The following DMD variants were observed in gnomAD, a reference collection of about 807,000 sequenced individuals.
The protein encoded by DMD is mutant dystrophin.
In DMD, 63 loss-of-function variants were observed where a neutral mutation model predicts 330.1. The observed-to-expected ratio is 0.19, with a 90% CI of 0.16 to 0.24. DMD has a LOEUF of 0.24. Among genes scored for constraint, DMD ranks in the 10% least tolerant of loss-of-function variants. The pLI is 1.00. For missense variants in DMD, 3,344 were observed against 2,684.1 expected (o/e 1.25, Z -5.43); for synonymous variants, 1,223 against 959.8 (o/e 1.27, Z -5.07).
intron 16 of DMD, among the ~76,000 whole-genome samples, chrX:32,549,851 A>G (rs1211455124): frequency 3.6e-5 from 4 of 112,071 alleles, no homozygotes; most frequent in Non-Finnish European, 7.5e-5. Flanking sequence ...AAAAATGCAC[A>G]TTTAAAAAAA....
chrX:32,868,751 C>A (rs2082716939), intron 2 of DMD, among the ~76,000 whole-genome samples: 1 of 112,327 alleles, frequency 8.9e-6, no homozygotes, highest in African/African-American at 3.3e-5. Context: ...ACTCCGATTC[C>A]CCTGGACCTG....
chrX:32,771,041 G>T (rs966956043), intron 7 of DMD, among the ~76,000 whole-genome samples: 2 of 111,536 alleles, frequency 1.8e-5, no homozygotes, highest in Non-Finnish European at 3.8e-5. Flanking sequence ...AAGTACAAAG[G>T]TCCTGAGGCA....
chrX:32,952,424 G>T (rs758734318), intron 2 of DMD, among the ~76,000 whole-genome samples: 19 of 111,447 alleles, frequency 1.7e-4, no homozygotes, highest in African/African-American at 2.3e-4. Context: ...GAGCCACTGT[G>T]CCCAGCCTTG....
chrX:32,881,656 T>C (rs1033602453), intron 2 of DMD, among the ~76,000 whole-genome samples: 7 of 112,508 alleles, frequency 6.2e-5, no homozygotes, highest in Non-Finnish European at 9.4e-5. Flanking sequence ...TTAATGGAAA[T>C]ATAAGATGTT....
chrX:32,188,191 T>C (rs12690404), intron 44 of DMD, among the ~76,000 whole-genome samples: 30,151 of 108,872 alleles, frequency 0.28, 3,425 homozygotes, highest in East Asian at 0.48. Context: ...TCTTACATAT[T>C]GTTATTATTA....
At chrX:33,063,210 A>G (rs2094603530) in intron 1 of DMD, among the ~76,000 whole-genome samples, 1 of 112,116 alleles carries the variant, frequency 8.9e-6, no homozygotes, top group African/African-American at 3.2e-5. Context: ...GAATCAAATT[A>G]TAATAAAACT....
chrX:32,661,694 C>A (rs960053588), intron 9 of DMD, among the ~76,000 whole-genome samples: 1 of 111,320 alleles, frequency 9.0e-6, no homozygotes, highest in East Asian at 2.8e-4. Flanking sequence ...CTTTTTCACC[C>A]TTAGAAATTT....
chrX:31,196,770 G>A (rs1399022819), intron 67 of DMD, among the ~76,000 whole-genome samples: 2 of 97,893 alleles, frequency 2.0e-5, no homozygotes, highest in African/African-American at 3.8e-5. Flanking sequence ...GCAGTGTGCC[G>A]AGATGGCACC....
At chrX:32,751,622 C>T (rs73458852) in intron 7 of DMD, among the ~76,000 whole-genome samples, 6 of 112,473 alleles carry the variant, frequency 5.3e-5, no homozygotes, top group Admixed American at 1.9e-4. Flanking sequence ...AAGAAATTCA[C>T]GCCCACTGCA....
At chrX:31,999,922 G>T (rs754312676) in intron 44 of DMD, among the ~76,000 whole-genome samples, 1 of 112,218 alleles carries the variant, frequency 8.9e-6, no homozygotes, top group African/African-American at 3.2e-5. Flanking sequence ...CTCTCCCCAG[G>T]ATGTGTTCCT....
chrX:31,693,906 T>A (rs182894342), intron 52 of DMD, among the ~76,000 whole-genome samples: 64 of 111,753 alleles, frequency 5.7e-4, no homozygotes, highest in East Asian at 4.2e-3. Flanking sequence ...GAATTTTTTT[T>A]AAAAAATCCT....
intron 45 of DMD, among the ~76,000 whole-genome samples, chrX:31,946,163 G>C (rs1345143899): frequency 4.5e-5 from 5 of 112,106 alleles, no homozygotes; most frequent in Non-Finnish European, 9.4e-5. Flanking sequence ...AGATTGAAAA[G>C]GCTGTGGTGG....
intron 7 of DMD, among the ~76,000 whole-genome samples, chrX:32,748,048 A>C (rs1386594262): frequency 2.7e-5 from 3 of 111,273 alleles, no homozygotes; most frequent in Non-Finnish European, 5.7e-5. Flanking sequence ...TTTATCCTTA[A>C]AGAAAAAGTG....
intron 1 of DMD, among the ~76,000 whole-genome samples, chrX:33,102,503 A>G (rs1279040870): frequency 1.8e-5 from 2 of 111,199 alleles, no homozygotes; most frequent in African/African-American, 6.5e-5. Context: ...TTTCTCATCA[A>G]ATAACTTCTT....
chrX:32,711,814 C>A (rs1396902298), intron 7 of DMD, among the ~76,000 whole-genome samples: 1 of 111,798 alleles, frequency 8.9e-6, no homozygotes, highest in Non-Finnish European at 1.9e-5. Context: ...TACTCATCTG[C>A]CTGTCTAATG....
intron 2 of DMD, among the ~76,000 whole-genome samples, chrX:32,861,201 T>C (rs980230090): frequency 1.7e-4 from 19 of 112,331 alleles, no homozygotes; most frequent in African/African-American, 6.1e-4. Context: ...AGATATATTC[T>C]GTAAGTGTTA....
intron 74 of DMD, among the ~76,000 whole-genome samples, chrX:31,162,117 A>C (rs1043438296): frequency 9.0e-6 from 1 of 111,123 alleles, no homozygotes; most frequent in Non-Finnish European, 1.9e-5. Context: ...TTTCTATTTT[A>C]ACTTTTTTAA....
At chrX:32,362,194 G>A (rs1302181899) in intron 37 of DMD, among the ~76,000 whole-genome samples, 6 of 111,268 alleles carry the variant, frequency 5.4e-5, no homozygotes, top group South Asian at 3.7e-4. Context: ...TTTTCATGGC[G>A]TGATCATTTC....
intron 1 of DMD, among the ~76,000 whole-genome samples, chrX:33,322,338 A>G (rs918567768): frequency 2.0e-5 from 2 of 101,897 alleles, no homozygotes; most frequent in African/African-American, 7.2e-5. Flanking sequence ...TCATTTCAAT[A>G]TTGGTTTGTC....
Sources: gnomAD v4.1 joint callset for allele counts (sites outside exome capture counted in the v4.1 genomes callset) on GRCh38, gnomAD v4.1.1 for gene constraint, MANE v1.5 for transcripts, NCBI Gene and HGNC (gene_info 2026-07-23, HGNC 2026-07-21) for gene names.